Variants in PPP1R3C observed in about 807,000 individuals in gnomAD.
The protein encoded by PPP1R3C is protein phosphatase 1 regulatory subunit 3C.
PPP1R3C carries 20 observed loss-of-function variants against 29.3 expected under a neutral mutation model. The ratio of observed to expected loss-of-function variants is 0.68; its 90% CI spans 0.48 to 0.99. The LOEUF (loss-of-function observed/expected upper bound fraction) is 0.99, where lower values mean the gene tolerates loss of function less well. PPP1R3C is among the 50% of genes least tolerant of loss of function. The pLI, the probability that PPP1R3C is intolerant of heterozygous loss-of-function variation, is 0.00. For synonymous variants in PPP1R3C, 123 were observed against 143.1 expected, an observed-to-expected ratio of 0.86 and a Z score of 1.00; for missense variants, 321 against 386.0, an observed-to-expected ratio of 0.83 and a Z score of 1.41.
In PPP1R3C at chr10:91,630,662, G is replaced by C; in HGVS notation, c.219C>G (p.Asp73Glu). 6.2e-7 allele frequency: 1 copy of C among 1,612,728 alleles called. No individual in the cohort carries two copies. The highest frequency in any genetic ancestry group is 8.5e-7 in the Non-Finnish European group (1 of 1,178,782). Residue 73 changes from aspartate to glutamate, a missense_variant, in exon 2 of 2, where the codon GAC becomes GAG. By Grantham distance (45) the Asp-to-Glu change is conservative. Transcript: ENST00000238994. This position sits in a 1 kb window ranked among gnomAD's most constrained non-coding sequence, Gnocchi z 4.4. ...NIKHKAKSQNDWKCSHNQAKK... is the reference protein window; with the variant it reads ...NIKHKAKSQNEWKCSHNQAKK... ...TGGCTTGGTTGTGTGAGCACTTCCAGTCATTCTGTGATTTGGCTTTGTGTT... is the reference window on the plus strand; with the variant it reads ...TGGCTTGGTTGTGTGAGCACTTCCACTCATTCTGTGATTTGGCTTTGTGTT...
intron 1 of PPP1R3C, among the ~76,000 whole-genome samples, chr10:91,631,648 A>C (rs916220813): frequency 6.6e-6 from 1 of 152,236 alleles, no homozygotes; most frequent in Non-Finnish European, 1.5e-5. Context: ...CTGAAATACA[A>C]GCCAACAATT....
At chr10:91,632,396 TTTTG>T (rs1300085388) in intron 1 of PPP1R3C, among the ~76,000 whole-genome samples, 6 of 151,376 alleles carry the variant, frequency 4.0e-5, no homozygotes, top group Non-Finnish European at 8.8e-5. Context: ...TTTTTGGTTT[TTTTG>T]TTTTTTTTTT....
Position 91,630,881 on chromosome 10 carries a change from G to A in PPP1R3C, c.15-15C>T. The A allele has an allele frequency of 6.3e-7, 1 of 1,599,296 alleles. No homozygotes were observed. The highest frequency in any genetic ancestry group is 1.3e-5 in the African/African-American group (1 of 74,886). On this transcript the variant is annotated splice_polypyrimidine_tract_variant and intron_variant, in intron 1 of 1. Transcript: ENST00000238994. This position sits in a 1 kb window ranked among gnomAD's most constrained non-coding sequence, Gnocchi z 4.4. The stretch of plus-strand genomic sequence containing the variant: ...CCTGGATCATTCTGGAATGCAAAAA[G>A]AAGAGGGATTATCACCTGGATCGGA...
chr10:91,632,835 T>C (rs1023340056), intron 1 of PPP1R3C, 121 bp downstream of exon 1: 7 of 1,419,934 alleles, frequency 4.9e-6, no homozygotes, highest in Non-Finnish European at 5.8e-6. Context: ...ACGCAGTCAG[T>C]CCACTTGTCC....
In PPP1R3C at chr10:91,630,576, G is replaced by A. The variant is rs1426590456; in HGVS notation, c.305C>T (p.Ser102Phe). 1.2e-6 allele frequency: 2 copies of A among 1,613,914 alleles called. No individual in the cohort carries two copies. Among genetic ancestry groups the A allele is most frequent in the Non-Finnish European group, 1.7e-6 (2 of 1,179,834 alleles). ...GLSLTAIHVFSDLPEEPAWDL... is the reference protein window; with the variant it reads ...GLSLTAIHVFFDLPEEPAWDL... The stretch of plus-strand genomic sequence containing the variant: ...CCACGCTGGTTCTTCTGGGAGGTCG[G>A]AGAAGACATGGATCGCAGTGAGAGA... The change falls in exon 2 of 2, where the codon TCC becomes TTC. Residue 102 changes from serine (S) to phenylalanine (F), a missense_variant. Transcript: ENST00000238994. This position sits in a 1 kb window ranked among gnomAD's most constrained non-coding sequence, Gnocchi z 4.4.
rs771121789 is a variant in PPP1R3C at position 91,628,857 on chromosome 10, G to T, written c.*1070C>A. ...GGATTCTTGCATTGAGAATCCTAGT[G>T]TCGGGCCTCACGTCAAGCATCACAT... On this transcript the variant is annotated 3_prime_UTR_variant, in exon 2 of 2. Transcript: ENST00000238994. 1 of 152,596 alleles carries T rather than the reference G, an allele frequency of 6.6e-6. No homozygotes were observed. The highest frequency in any genetic ancestry group is 1.5e-5 in the Non-Finnish European group (1 of 68,050). 9.5% of individuals were successfully genotyped at this position (152,596 alleles called of 1,614,324 possible). A position where few individuals can be genotyped will look rare whatever the true frequency, so the allele number is the denominator to read the frequency against.
chr10:91,633,043 T>C lies in PPP1R3C; in HGVS notation c.-74A>G, dbSNP rs371296497. ...AAATTCGAACCACAGCTCCAGGCCT[T>C]GCCCCCGCGGCGGTCGCTGGGAGAG... On this transcript the variant is annotated 5_prime_UTR_variant, in exon 1 of 2. Coordinates refer to ENST00000238994, the MANE Select transcript of PPP1R3C (RefSeq NM_005398.7). 10 of 1,573,496 alleles carry C rather than the reference T, an allele frequency of 6.4e-6. No homozygotes were observed. The highest frequency in any genetic ancestry group is 2.3e-5 in the South Asian group (2 of 86,128).
chr10:91,631,900 T>C (rs1404479076), intron 1 of PPP1R3C, among the ~76,000 whole-genome samples: 1 of 152,228 alleles, frequency 6.6e-6, no homozygotes, highest in African/African-American at 2.4e-5. Context: ...TGTTCTTTTT[T>C]GGCATTTTCT....
Position 91,628,484 on chromosome 10 carries a change from G to C in PPP1R3C, c.*1443C>G, listed in dbSNP as rs909832911. On this transcript the variant is annotated 3_prime_UTR_variant, in exon 2 of 2. Coordinates refer to ENST00000238994, the MANE Select transcript of PPP1R3C (RefSeq NM_005398.7). ...ATTCTTAAAGTGAGAAGCTCATCAA[G>C]GATAGCTAGAGGAGAGTGAAATATT... 1 of 152,214 alleles carries C rather than the reference G, an allele frequency of 6.6e-6. No individual in the cohort carries two copies. The highest frequency in any genetic ancestry group is 6.5e-5 in the Admixed American group (1 of 15,286). 9.4% of individuals were successfully genotyped at this position (152,214 alleles called of 1,614,324 possible). A position where few individuals can be genotyped will look rare whatever the true frequency, so the allele number is the denominator to read the frequency against.
chr10:91,631,710 T>C (rs1236890246), intron 1 of PPP1R3C, among the ~76,000 whole-genome samples: 5 of 152,186 alleles, frequency 3.3e-5, no homozygotes, highest in African/African-American at 4.8e-5. Context: ...GAGATGCCCA[T>C]GACAAGTCCA....
rs1325654923 is a variant in PPP1R3C at position 91,629,464 on chromosome 10, A to G, written c.*463T>C. 6.1e-6 allele frequency: 1 copy of G among 163,112 alleles called. No individual in the cohort carries two copies. Among genetic ancestry groups the G allele is most frequent in the East Asian group, 1.7e-4 (1 of 5,834 alleles). The allele number at this position is 163,112 out of a possible 1,614,324, so 10.1% of individuals were successfully genotyped here. On this transcript the variant is annotated 3_prime_UTR_variant, in exon 2 of 2. Transcript: ENST00000238994. ...TTCCCCAGGAAAGAATTGTAAAACCAACTTAAAAACACAAAATAACCTTAC... is the reference window on the plus strand; with the variant it reads ...TTCCCCAGGAAAGAATTGTAAAACCGACTTAAAAACACAAAATAACCTTAC...
chr10:91,633,033 C>A lies in PPP1R3C; in HGVS notation c.-64G>T, dbSNP rs1482574596. The A allele has an allele frequency of 1.3e-6, 2 of 1,589,630 alleles. No homozygotes were observed. Among genetic ancestry groups the A allele is most frequent in the East Asian group, 2.3e-5 (1 of 43,956 alleles). On this transcript the variant is annotated 5_prime_UTR_variant, in exon 1 of 2. Coordinates refer to ENST00000238994, the MANE Select transcript of PPP1R3C (RefSeq NM_005398.7). ...CTGCCTGCACAAATTCGAACCACAG[C>A]TCCAGGCCTTGCCCCCGCGGCGGTC...
intron 1 of PPP1R3C, among the ~76,000 whole-genome samples, chr10:91,632,184 C>A (rs1848724105): frequency 6.6e-6 from 1 of 152,288 alleles, no homozygotes; most frequent in African/African-American, 2.4e-5. Context: ...TGGTCATTAT[C>A]ACAAAAGTGT....
In PPP1R3C at chr10:91,630,472, C is replaced by G; in HGVS notation, c.409G>C (p.Asp137His). The change falls in exon 2 of 2, where the codon GAT becomes CAT. Residue 137 changes from aspartate to histidine, a missense_variant. Physicochemically the swap from Asp to His is moderately conservative, Grantham distance 81. Transcript: ENST00000238994. This position sits in a 1 kb window ranked among gnomAD's most constrained non-coding sequence, Gnocchi z 4.4. ...TAATCGGTTGAAGGCTGAGGGAAAT[C>G]TAAAATCAAGTTTTTCTCCTCGTGG... Reference protein sequence around the residue: ...KHHEEKNLILDFPQPSTDYLS... With the variant: ...KHHEEKNLILHFPQPSTDYLS... 1 of 1,614,174 alleles carries G rather than the reference C, an allele frequency of 6.2e-7. No individual in the cohort carries two copies.
rs2133484134 is a variant in PPP1R3C at position 91,630,890 on chromosome 10, T to G, written c.15-24A>C. 1 of 1,589,174 alleles carries G rather than the reference T, an allele frequency of 6.3e-7. No homozygotes were observed. Among genetic ancestry groups the G allele is most frequent in the South Asian group, 1.1e-5 (1 of 90,660 alleles). The stretch of plus-strand genomic sequence containing the variant: ...TTCTGGAATGCAAAAAGAAGAGGGA[T>G]TATCACCTGGATCGGAAATGCTCTT... On this transcript the variant is annotated intron_variant, in intron 1 of 1. Transcript: ENST00000238994. The surrounding 1 kb of genome is among the most constrained non-coding windows in gnomAD (Gnocchi z 4.4).
Position 91,629,828 on chromosome 10 carries a change from A to G in PPP1R3C, c.*99T>C. ...GTCTCAAAAGCTCAAATCTAAACCT[A>G]CTGATGGAGTAGCAAAGGCTTCCTA... On this transcript the variant is annotated 3_prime_UTR_variant, in exon 2 of 2. Coordinates refer to ENST00000238994, the MANE Select transcript of PPP1R3C (RefSeq NM_005398.7). 1 of 1,277,732 alleles carries G rather than the reference A, an allele frequency of 7.8e-7. No homozygotes were observed. 79.1% of individuals were successfully genotyped at this position (1,277,732 alleles called of 1,614,324 possible).
At position 91,629,966 on chromosome 10, in the gene PPP1R3C, C is replaced by G. The variant is rs1848696801; in HGVS notation, c.915G>C (p.Gln305His). ...RLASGLFPEW[Q>H]SWGRMENLAS... ...CCAAGTTCTCCATTCTCCCCCAGCT[C>G]TGCCACTCTGGGAAGAGCCCACTAG... is the stretch of plus-strand genomic sequence containing the variant. Residue 305 changes from glutamine to histidine, a missense_variant, in exon 2 of 2, where the codon CAG (glutamine) becomes CAC (histidine). Gln to His is a conservative substitution (Grantham distance 24). Transcript: ENST00000238994. The G allele has an allele frequency of 6.2e-7, 1 of 1,614,078 alleles. No homozygotes were observed. The highest frequency in any genetic ancestry group is 1.1e-5 in the South Asian group (1 of 91,084).
chr10:91,629,984 C>G lies in PPP1R3C; in HGVS notation c.897G>C (p.Gly299=). The change falls in exon 2 of 2, where the codon GGG becomes GGC. Residue 299 remains glycine (G), a synonymous_variant. Transcript: ENST00000238994. ...TIFGSPRLAS[G]LFPEWQSWGR... ...CCCAGCTCTGCCACTCTGGGAAGAGCCCACTAGCCAGCCTCGGACTGCCAA... is the reference window on the plus strand; with the variant it reads ...CCCAGCTCTGCCACTCTGGGAAGAGGCCACTAGCCAGCCTCGGACTGCCAA... The G allele has an allele frequency of 1.9e-6, 3 of 1,614,214 alleles. No homozygotes were observed. Among genetic ancestry groups the G allele is most frequent in the African/African-American group, 2.7e-5 (2 of 75,062 alleles).
At chr10:91,631,755 GA>G (rs1317915149) in intron 1 of PPP1R3C, among the ~76,000 whole-genome samples, 3 of 152,156 alleles carry the variant, frequency 2.0e-5, no homozygotes, top group Non-Finnish European at 4.4e-5. Flanking sequence ...CTGAAAGTTG[GA>G]GTGTTTTAAA....
Sources: gnomAD v4.1 joint callset for allele counts (sites outside exome capture counted in the v4.1 genomes callset) on GRCh38, gnomAD v4.1.1 for gene constraint, Gnocchi (gnomAD v3.1) non-coding constraint, MANE v1.5 for transcripts, NCBI Gene and HGNC (gene_info 2026-07-23, HGNC 2026-07-21) for gene names.